Variants in CDH26 observed in about 807,000 individuals in gnomAD.
CDH26 encodes the protein cadherin 26.
A neutral mutation model predicts 90.3 loss-of-function variants in CDH26; 83 were observed. The ratio of observed to expected loss-of-function variants is 0.92; its 90% confidence interval spans 0.77 to 1.10. The LOEUF (loss-of-function observed/expected upper bound fraction) is 1.10, where lower values mean the gene tolerates loss of function less well. CDH26 is among the 50% of genes least tolerant of loss of function. CDH26 has a pLI of 0.00. For synonymous variants in CDH26, 397 were observed against 396.3 expected (o/e 1.00, Z -0.02); for missense variants, 1,013 against 1,037.6 (o/e 0.98, Z 0.33).
intron 1 of CDH26, among the ~76,000 whole-genome samples, chr20:59,965,490 C>A (rs2061136720): frequency 6.6e-6 from 1 of 152,174 alleles, no homozygotes; most frequent in Admixed American, 6.5e-5. Context: ...TGGAAACTAT[C>A]CATATTTTTC....
intron 9 of CDH26, among the ~76,000 whole-genome samples, chr20:59,989,395 G>A (rs994240703): frequency 1.6e-4 from 24 of 151,696 alleles, no homozygotes; most frequent in Non-Finnish European, 3.1e-4. Flanking sequence ...GGGCGCGGTG[G>A]CGGGCGCCTG....
chr20:60,028,966 C>T (rs996744947), intron 7 of CDH26, among the ~76,000 whole-genome samples: 5 of 152,036 alleles, frequency 3.3e-5, no homozygotes, highest in Admixed American at 6.6e-5. Context: ...TAAAGAGACG[C>T]GATATAGACA....
At chr20:60,034,808 G>C (rs1431525074), downstream of CDH26, among the ~76,000 whole-genome samples, 1 of 152,172 alleles carries the variant, frequency 6.6e-6, no homozygotes, top group Non-Finnish European at 1.5e-5. Flanking sequence ...ATGGGTTGGC[G>C]ACTGAACACC....
chr20:60,017,751 A>T (rs1576726), downstream of CDH26, among the ~76,000 whole-genome samples: 43,991 of 151,660 alleles, frequency 0.29, 6,536 homozygotes, highest in East Asian at 0.46. Context: ...GTTACTTTAA[A>T]CTTGCCTCTT....
In CDH26 at chr20:60,013,383, AG is replaced by A. The variant is rs1224260416; in HGVS notation, c.*655del. 6.6e-6 allele frequency: 1 copy of A among 152,272 alleles called. No individual in the cohort carries two copies. Among genetic ancestry groups the A allele is most frequent in the African/African-American group, 2.4e-5 (1 of 41,478 alleles). 9.4% of individuals were successfully genotyped at this position (152,272 alleles called of 1,614,324 possible). A position where few individuals can be genotyped will look rare whatever the true frequency, so the allele number is the denominator to read the frequency against. On this transcript the variant is annotated 3_prime_UTR_variant, in exon 18 of 18. Transcript: ENST00000348616. ...TATGTATTATGTAAGTAAAAGAGTT[AG>A]GAGCCTTTGAATGAGTAAGTTCTGA...
intron 3 of CDH26, among the ~76,000 whole-genome samples, chr20:59,970,435 A>G (rs1028892733): frequency 9.2e-5 from 14 of 151,420 alleles, no homozygotes; most frequent in Non-Finnish European, 1.6e-4. Context: ...ATACAGCAAC[A>G]GGGTGGTTAA....
chr20:60,025,548 C>G (rs1050715037), intron 7 of CDH26, among the ~76,000 whole-genome samples: 2 of 152,210 alleles, frequency 1.3e-5, no homozygotes, highest in African/African-American at 4.8e-5. Context: ...TCGGGGTAAG[C>G]AGGTGGGTGA....
chr20:59,971,904 A>T (rs2061265812), intron 3 of CDH26, 58 bp from the exon 4 acceptor site: 1 of 1,401,618 alleles, frequency 7.1e-7, no homozygotes, highest in Admixed American at 1.9e-5. Flanking sequence ...ATACTTGATT[A>T]TCATAGTGGC....
At chr20:59,986,931 C>G (rs1288988930) in intron 7 of CDH26, among the ~76,000 whole-genome samples, 1 of 152,104 alleles carries the variant, frequency 6.6e-6, no homozygotes, top group African/African-American at 2.4e-5. Context: ...AAGCAATGCT[C>G]TCAAAAATAT....
At chr20:59,985,380 CG>C (rs1373198548) in intron 7 of CDH26, among the ~76,000 whole-genome samples, 1 of 152,042 alleles carries the variant, frequency 6.6e-6, no homozygotes, top group African/African-American at 2.4e-5. Flanking sequence ...GGCGGAAGGA[CG>C]GGGGGAGCAG....
rs759434375 is a variant in CDH26, at chr20:59,983,063, A to T, written c.534A>T (p.Gln178His). The stretch of plus-strand genomic sequence containing the variant: ...TTAACATCACTGTGCAAGAAAACCA[A>T]TCTGCAGGTGTGTGCGGCTGGGGGG... ...KEFNITVQEN[Q>H]SAGQPIFQML... is the part of the protein sequence containing the mutation. Residue 178 changes from glutamine to histidine, a missense_variant, in exon 5 of 18, where the codon CAA (glutamine) becomes CAT (histidine). Coordinates refer to ENST00000348616, the MANE Select transcript of CDH26 (RefSeq NM_177980.4). The T allele has an allele frequency of 6.2e-7, 1 of 1,613,924 alleles. No homozygotes were observed. Among genetic ancestry groups the T allele is most frequent in the African/African-American group, 1.3e-5 (1 of 74,892 alleles).
At chr20:59,997,740 A>G (rs1245911137) in intron 13 of CDH26, among the ~76,000 whole-genome samples, 1 of 152,252 alleles carries the variant, frequency 6.6e-6, no homozygotes, top group Non-Finnish European at 1.5e-5. Context: ...CACCTCCACC[A>G]ATGTTTTTTT....
downstream of CDH26, among the ~76,000 whole-genome samples, chr20:60,018,786 C>T (rs546486886): frequency 5.4e-5 from 5 of 92,676 alleles, no homozygotes; most frequent in East Asian, 1.0e-3. Flanking sequence ...TTTTTTTCCC[C>T]TTTGTTTTTG....
At chr20:59,997,377 T>G (rs1007229761) in intron 13 of CDH26, among the ~76,000 whole-genome samples, 28 of 152,256 alleles carry the variant, frequency 1.8e-4, no homozygotes, top group African/African-American at 6.5e-4. Context: ...TCTCATTAGC[T>G]TCATCATTTA....
intron 7 of CDH26, chr20:59,985,972 T>C (rs577027215): frequency 7.3e-4 from 111 of 152,410 alleles, no homozygotes; most frequent in African/African-American, 2.6e-3. Context: ...GATGATTATT[T>C]GGAGTGGGGG....
At chr20:59,976,125 G>A (rs1202274522) in intron 4 of CDH26, among the ~76,000 whole-genome samples, 1 of 152,098 alleles carries the variant, frequency 6.6e-6, no homozygotes, top group Non-Finnish European at 1.5e-5. Context: ...CTATGCAGTA[G>A]CGATTTTGTG....
chr20:59,990,486 G>T (rs1279936724), intron 9 of CDH26, among the ~76,000 whole-genome samples: 1 of 152,194 alleles, frequency 6.6e-6, no homozygotes, highest in African/African-American at 2.4e-5. Flanking sequence ...CCACACTTCA[G>T]TGTGAGATTC....
chr20:60,001,292 AG>A (rs2061673628), intron 14 of CDH26, 50 bp from the exon 15 acceptor site: 2 of 1,611,106 alleles, frequency 1.2e-6, no homozygotes, highest in African/African-American at 2.7e-5. Context: ...CTTTGTTTCC[AG>A]CTGGAGAGAA....
intron 13 of CDH26, 99 bp from the exon 14 acceptor site, chr20:59,999,487 C>A: frequency 1.0e-6 from 1 of 980,724 alleles, no homozygotes; most frequent in Non-Finnish European, 1.6e-6. Flanking sequence ...GGCATAGATA[C>A]AATGTGTTTT....
Sources: allele counts gnomAD v4.1 joint callset (sites outside exome capture counted in the v4.1 genomes callset), GRCh38; gene constraint gnomAD v4.1.1; transcripts MANE v1.5; gene names NCBI Gene and HGNC (gene_info 2026-07-23, HGNC 2026-07-21).